Variants in DEPTOR observed in about 807,000 individuals in gnomAD.
DEPTOR encodes DEP domain containing MTOR interacting protein.
DEPTOR carries 41 observed loss-of-function variants against 41.6 expected under a neutral mutation model. The ratio of observed to expected loss-of-function variants is 0.98; its 90% CI spans 0.77 to 1.28. The LOEUF (loss-of-function observed/expected upper bound fraction) is 1.28, where lower values mean the gene tolerates loss of function less well. Among genes scored for constraint, DEPTOR ranks in the 50% most tolerant of loss-of-function variants. The pLI, the probability that DEPTOR is intolerant of heterozygous loss-of-function variation, is 0.00. For missense variants in DEPTOR, 514 were observed against 527.9 expected (o/e 0.97, Z 0.26); for synonymous variants, 195 against 192.3 (o/e 1.01, Z -0.12).
At chr8:119,889,353 C>T (rs573191633) in intron 1 of DEPTOR, among the ~76,000 whole-genome samples, 28 of 151,688 alleles carry the variant, frequency 1.8e-4, no homozygotes, top group African/African-American at 6.0e-4. Flanking sequence ...TTCAGACCAG[C>T]CTGGGCAACA....
In DEPTOR at chr8:119,912,501, C is replaced by T. The variant is rs574593959; in HGVS notation, c.123-15899C>T. On this transcript the variant is annotated intron_variant, in intron 1 of 8. Coordinates refer to ENST00000286234, the MANE Select transcript of DEPTOR (RefSeq NM_022783.4). ...GCCCCTTAACTGCAAGCTGCCTCCGCGATAGCTGCGGATGTTCCTGAGAAC... is the reference window on the plus strand; with the variant it reads ...GCCCCTTAACTGCAAGCTGCCTCCGTGATAGCTGCGGATGTTCCTGAGAAC... Among the ~76,000 whole-genome samples, 112 of 152,276 alleles carry T rather than the reference C, an allele frequency of 7.4e-4. 1 individual carries two copies. The Middle Eastern group carries it at 0.01, about 14-fold the overall frequency.
At chr8:120,027,234 A>AAATAACAATAATAATAAT (rs1554586788) in intron 8 of DEPTOR, among the ~76,000 whole-genome samples, 14 of 145,108 alleles carry the variant, frequency 9.6e-5, no homozygotes, top group African/African-American at 3.5e-4. Context: ...AATAAAAATA[A>AAATAACAATAATAATAAT]AATAATAATA....
At position 119,900,473 on chromosome 8, in the gene DEPTOR, A is replaced by C. The variant is rs554651340; in HGVS notation, c.122+26505A>C. On this transcript the variant is annotated intron_variant, in intron 1 of 8. Transcript: ENST00000286234. ...ATGATCATAGCTCACTGCAACCTTG[A>C]CCCCCTGAGCTCAAGTGATCCTACC... 3.4e-4 allele frequency among the ~76,000 whole-genome samples: 42 copies of C among 124,722 alleles called. No homozygotes were observed. The East Asian group carries it at 9.2e-3, about 27-fold the overall frequency. The allele number at this position is 124,722 out of a possible 152,430, so 81.8% of individuals were successfully genotyped here. A position where few individuals can be genotyped will look rare whatever the true frequency, so the allele number is the denominator to read the frequency against.
chr8:119,902,966 G>A (rs1359204649), intron 1 of DEPTOR, among the ~76,000 whole-genome samples: 1 of 152,200 alleles, frequency 6.6e-6, no homozygotes, highest in African/African-American at 2.4e-5. Context: ...GACAAGACAA[G>A]TGAAATGTAC....
At chr8:119,879,766 T>C (rs1173373389) in intron 1 of DEPTOR, among the ~76,000 whole-genome samples, 1 of 151,190 alleles carries the variant, frequency 6.6e-6, no homozygotes, top group African/African-American at 2.4e-5. Context: ...AACCAGCACT[T>C]TGGGAGGCCG....
intron 4 of DEPTOR, among the ~76,000 whole-genome samples, chr8:119,974,319 A>C (rs552807429): frequency 6.6e-6 from 1 of 152,150 alleles, no homozygotes; most frequent in African/African-American, 2.4e-5. Context: ...GAGGAGGAAA[A>C]ATAATTTTTT....
intron 8 of DEPTOR, among the ~76,000 whole-genome samples, chr8:120,029,072 T>TAAA (rs11413385): frequency 1.4e-5 from 2 of 146,428 alleles, no homozygotes; most frequent in Non-Finnish European, 3.0e-5. Context: ...AAACTCCATC[T>TAAA]AAAAAAAAAA....
At chr8:120,019,794 T>C (rs1292257473) in intron 8 of DEPTOR, among the ~76,000 whole-genome samples, 2 of 152,176 alleles carry the variant, frequency 1.3e-5, no homozygotes, top group East Asian at 3.9e-4. Context: ...CTTAGAAATA[T>C]GTCTTGAGTT....
At chr8:119,931,903 A>T (rs10955943) in intron 3 of DEPTOR, among the ~76,000 whole-genome samples, 48,580 of 151,276 alleles carry the variant, frequency 0.32, 8,202 homozygotes, top group Middle Eastern at 0.41. Context: ...GTCATCTCCA[A>T]GGATGAAGGC....
intron 4 of DEPTOR, among the ~76,000 whole-genome samples, chr8:119,976,707 T>C (rs1288572370): frequency 1.3e-5 from 2 of 152,166 alleles, no homozygotes; most frequent in Non-Finnish European, 2.9e-5. Flanking sequence ...TTTCTGCATA[T>C]GCAGTTGCCG....
At chr8:119,902,270 C>G (rs1404630748) in intron 1 of DEPTOR, among the ~76,000 whole-genome samples, 2 of 152,110 alleles carry the variant, frequency 1.3e-5, no homozygotes, top group Non-Finnish European at 2.9e-5. Flanking sequence ...AAATGGAGCT[C>G]AGAGAGAAAC....
At chr8:119,891,684 C>T (rs1827454465) in intron 1 of DEPTOR, among the ~76,000 whole-genome samples, 1 of 152,096 alleles carries the variant, frequency 6.6e-6, no homozygotes, top group Non-Finnish European at 1.5e-5. Flanking sequence ...ATAGAGCTCT[C>T]AACATATGAC....
chr8:120,039,028 C>T (rs1022196973), intron 8 of DEPTOR, among the ~76,000 whole-genome samples: 8 of 152,094 alleles, frequency 5.3e-5, no homozygotes, highest in African/African-American at 1.4e-4. Flanking sequence ...TACTATGGTC[C>T]GAATGTTTAC....
intron 1 of DEPTOR, among the ~76,000 whole-genome samples, chr8:119,907,987 G>A (rs755864437): frequency 6.6e-6 from 1 of 152,112 alleles, no homozygotes; most frequent in African/African-American, 2.4e-5. Context: ...CTCAGGGTGG[G>A]ACACCTAGCT....
In DEPTOR at chr8:119,885,132, G is replaced by A. The variant is rs900744728; in HGVS notation, c.122+11164G>A. Among the ~76,000 whole-genome samples the A allele has an allele frequency of 2.6e-5, 4 of 152,120 alleles. No homozygotes were observed. In the East Asian group the frequency reaches 5.8e-4, roughly 22 times the overall value. On this transcript the variant is annotated intron_variant, in intron 1 of 8. Coordinates refer to ENST00000286234, the MANE Select transcript of DEPTOR (RefSeq NM_022783.4). ...TCCTTTCCCAAGAGGAAAGGAGAAT[G>A]GGGTAACCTTGGACCCTCTTTTCAC...
intron 1 of DEPTOR, among the ~76,000 whole-genome samples, chr8:119,915,389 A>G (rs1217262248): frequency 6.6e-6 from 1 of 152,212 alleles, no homozygotes. Flanking sequence ...AGGACTAAAC[A>G]TTTCATGGCA....
intron 8 of DEPTOR, among the ~76,000 whole-genome samples, chr8:120,037,517 G>A (rs937387947): frequency 2.6e-5 from 4 of 152,180 alleles, no homozygotes; most frequent in Admixed American, 1.3e-4. Context: ...TGTGTGGGGG[G>A]AGCTTGCTGG....
At chr8:120,027,263 C>T (rs1812812633) in intron 8 of DEPTOR, among the ~76,000 whole-genome samples, 1 of 60,158 alleles carries the variant, frequency 1.7e-5, no homozygotes, top group Non-Finnish European at 3.9e-5. Context: ...AATAATAATG[C>T]CTTTCTTTTG....
At chr8:119,969,406 G>A (rs940395878) in intron 4 of DEPTOR, among the ~76,000 whole-genome samples, 1 of 150,358 alleles carries the variant, frequency 6.7e-6, no homozygotes. Flanking sequence ...CCAGGCTGGA[G>A]TGCAATGGTG....
Sources: gnomAD v4.1 joint callset for allele counts (sites outside exome capture counted in the v4.1 genomes callset) on GRCh38, gnomAD v4.1.1 for gene constraint, MANE v1.5 for transcripts, NCBI Gene and HGNC (gene_info 2026-07-23, HGNC 2026-07-21) for gene names.